Variants in ZNF519 observed in about 807,000 individuals in gnomAD.
ZNF519 encodes zinc finger protein 519, also known as similar to Zinc finger protein 85 (Zinc finger protein HPF4) (HTF1).
ZNF519 carries 7 observed loss-of-function variants against 7.4 expected under a neutral mutation model. The ratio of observed to expected loss-of-function variants is 0.94; its 90% CI spans 0.54 to 1.77. The LOEUF (loss-of-function observed/expected upper bound fraction) is 1.77. Among genes scored for constraint, ZNF519 ranks in the 40% most tolerant of loss-of-function variants. The pLI, the probability that ZNF519 is intolerant of heterozygous loss-of-function variation, is 0.00. For synonymous variants in ZNF519, 179 were observed against 203.3 expected (o/e 0.88, Z 1.02); for missense variants, 586 against 623.1 (o/e 0.94, Z 0.63).
intron 2 of ZNF519, among the ~76,000 whole-genome samples, chr18:14,112,442 T>C (rs981287406): frequency 2.6e-5 from 4 of 152,148 alleles, no homozygotes; most frequent in Non-Finnish European, 5.9e-5. Flanking sequence ...TTTCAACATA[T>C]GGCAGCTAGA....
exon 5 of ZNF519, chr18:14,076,116 G>A (rs939267689): frequency 6.6e-6 from 1 of 152,044 alleles, no homozygotes; most frequent in African/African-American, 2.4e-5. Flanking sequence ...GGCAGAGTCC[G>A]GAGCTGACAA....
chr18:14,125,097 A>G (rs1377836161), intron 1 of ZNF519, among the ~76,000 whole-genome samples: 1 of 152,190 alleles, frequency 6.6e-6, no homozygotes, highest in Non-Finnish European at 1.5e-5. Flanking sequence ...TCCTCCTCGT[A>G]GACTCATTAT....
At chr18:14,132,135 C>T in intron 1 of ZNF519, 140 bp downstream of exon 1, 1 of 947,046 alleles carries the variant, frequency 1.1e-6, no homozygotes, top group Non-Finnish European at 1.7e-6. Flanking sequence ...CAGGACAGGA[C>T]GCCCGGAGTC....
chr18:14,123,031 C>T (rs920331303), intron 2 of ZNF519: 1 of 154,876 alleles, frequency 6.5e-6, no homozygotes, highest in African/African-American at 2.5e-5. Flanking sequence ...CATGTGGTGC[C>T]TAAACTACAT....
rs1203462841 is a variant in ZNF519 at position 14,106,034 on chromosome 18, C to T, written c.506G>A (p.Ser169Asn). ...TAGAAAATGAGTACTATGATGTTTA[C>T]TAATATTTGAGTCATGGTTAAAATT... ...QINFNHDSNI[S>N]KHHSTHFLEN... Residue 169 changes from serine (S) to asparagine (N), a missense_variant, in exon 3 of 3, where the codon AGT becomes AAT. Transcript: ENST00000590202. 2 of 1,583,032 alleles carry T rather than the reference C, an allele frequency of 1.3e-6. No homozygotes were observed. Among genetic ancestry groups the T allele is most frequent in the African/African-American group, 2.7e-5 (2 of 73,432 alleles).
chr18:14,098,452 G>T (rs778279522), downstream of ZNF519, among the ~76,000 whole-genome samples: 5 of 151,812 alleles, frequency 3.3e-5, no homozygotes, highest in Non-Finnish European at 5.9e-5. Flanking sequence ...GAGCCACCAC[G>T]CCTGGCCAAC....
chr18:14,106,298 A>T lies in ZNF519; in HGVS notation c.242T>A (p.Leu81Ter). The T allele has an allele frequency of 6.2e-7, 1 of 1,613,088 alleles. No individual in the cohort carries two copies. Among genetic ancestry groups the T allele is most frequent in the Non-Finnish European group, 8.5e-7 (1 of 1,179,844 alleles). ...YGSCGLENIC[L>*]WKNWESIGEG... ...ACCTATACTTTCCCAGTTTTTCCAT[A>T]AGCATATATTTTCAAGGCCACAGCT... Residue 81 changes from leucine to a stop codon, truncating the protein, a stop_gained, in exon 3 of 3, where the codon TTA becomes TAA. Transcript: ENST00000590202. LOFTEE classifies it low-confidence loss of function (END_TRUNC).
intron 2 of ZNF519, among the ~76,000 whole-genome samples, chr18:14,088,569 C>T (rs750405617): frequency 1.3e-5 from 2 of 152,146 alleles, no homozygotes; most frequent in Non-Finnish European, 2.9e-5. Context: ...CCTTAAATTT[C>T]ATTCTAGTTA....
chr18:14,097,658 T>A (rs1394885310), downstream of ZNF519, among the ~76,000 whole-genome samples: 1 of 152,184 alleles, frequency 6.6e-6, no homozygotes, highest in Non-Finnish European at 1.5e-5. Flanking sequence ...CAGATTCCAG[T>A]TCCCCTGAAT....
At chr18:14,085,255 T>C (rs558277092) in intron 2 of ZNF519, among the ~76,000 whole-genome samples, 3 of 152,080 alleles carry the variant, frequency 2.0e-5, no homozygotes, top group Non-Finnish European at 4.4e-5. Flanking sequence ...TGGTTAAATA[T>C]CCTTATTCTG....
chr18:14,110,269 T>C (rs1328698584), intron 2 of ZNF519, among the ~76,000 whole-genome samples: 2 of 152,164 alleles, frequency 1.3e-5, no homozygotes, highest in Non-Finnish European at 2.9e-5. Flanking sequence ...AAAAAAACTC[T>C]TCTGGACATT....
At chr18:14,120,718 CAA>C (rs967772780) in intron 2 of ZNF519, among the ~76,000 whole-genome samples, 19 of 151,860 alleles carry the variant, frequency 1.3e-4, no homozygotes, top group African/African-American at 4.6e-4. Flanking sequence ...CAAAAATAGA[CAA>C]AAGATTATTT....
chr18:14,111,787 A>G (rs2046222301), intron 2 of ZNF519, among the ~76,000 whole-genome samples: 1 of 152,116 alleles, frequency 6.6e-6, no homozygotes. Flanking sequence ...CCATAATAAA[A>G]AACCTCCTAT....
chr18:14,103,902 A>T lies in ZNF519; in HGVS notation c.*1015T>A, dbSNP rs890798012. 1 of 152,142 alleles carries T rather than the reference A, an allele frequency of 6.6e-6. No individual in the cohort carries two copies. The highest frequency in any genetic ancestry group is 2.4e-5 in the African/African-American group (1 of 41,416). The allele number at this position is 152,142 out of a possible 1,614,324, so 9.4% of individuals were successfully genotyped here. A position where few individuals can be genotyped will look rare whatever the true frequency, so the allele number is the denominator to read the frequency against. ...GACATTTCATTTTATTCTTAAAAAAAAATTAAGTTTACAGACTGAATAAAG... is the reference window on the plus strand; with the variant it reads ...GACATTTCATTTTATTCTTAAAAAATAATTAAGTTTACAGACTGAATAAAG... On this transcript the variant is annotated 3_prime_UTR_variant, in exon 3 of 3. Coordinates refer to ENST00000590202, the MANE Select transcript of ZNF519 (RefSeq NM_145287.4).
At position 14,106,092 on chromosome 18, in the gene ZNF519, A is replaced by C; in HGVS notation, c.448T>G (p.Leu150Val). The C allele has an allele frequency of 6.2e-7, 1 of 1,606,070 alleles. No homozygotes were observed. Among genetic ancestry groups the C allele is most frequent in the South Asian group, 1.1e-5 (1 of 89,058 alleles). The change falls in exon 3 of 3, where the codon TTG becomes GTG. Residue 150 changes from leucine to valine, a missense_variant. Physicochemically the swap from Leu to Val is conservative, Grantham distance 32. Coordinates refer to ENST00000590202, the MANE Select transcript of ZNF519 (RefSeq NM_145287.4). ...TTTTTATTACAAAAGACAGATTTCA[A>C]AAATTTATGTTGATATTTATTCATA... Reference protein sequence around the residue: ...IPMNKYQHKFLKSVFCNKNQI... With the variant: ...IPMNKYQHKFVKSVFCNKNQI...
At chr18:14,082,098 CT>C (rs1391049389) in intron 3 of ZNF519, 1 of 152,022 alleles carries the variant, frequency 6.6e-6, no homozygotes, top group African/African-American at 2.4e-5. Flanking sequence ...CATGTTTTCA[CT>C]GCTTAAGAAA....
At chr18:14,073,283 T>TA (rs1463109280), downstream of ZNF519, 1 of 129,436 alleles carries the variant, frequency 7.7e-6, no homozygotes. Flanking sequence ...TTTATTTATT[T>TA]ATTTTGAGAT....
chr18:14,088,172 G>C (rs1249313359), intron 2 of ZNF519, among the ~76,000 whole-genome samples: 1 of 152,188 alleles, frequency 6.6e-6, no homozygotes, highest in African/African-American at 2.4e-5. Context: ...GGAAAGTACA[G>C]CTTAGGATGC....
In ZNF519 at chr18:14,106,359, C is replaced by T. The variant is rs1242224265; in HGVS notation, c.181G>A (p.Asp61Asn). 1.2e-6 allele frequency: 2 copies of T among 1,611,852 alleles called. No individual in the cohort carries two copies. The highest frequency in any genetic ancestry group is 1.7e-6 in the Non-Finnish European group (2 of 1,179,364). ...CCCAGTGTTGCTTTTTTGAATGAAT[C>T]TTGTATGCCTTGCTCTGGTAAAATG... ...QGILPEQGIQ[D>N]SFKKATLGRY... is the part of the protein sequence containing the mutation. The change falls in exon 3 of 3, where the codon GAT becomes AAT. Residue 61 changes from aspartate to asparagine, a missense_variant. Transcript: ENST00000590202.
Sources: gnomAD v4.1 joint callset for allele counts (sites outside exome capture counted in the v4.1 genomes callset) on GRCh38, gnomAD v4.1.1 for gene constraint, MANE v1.5 for transcripts, NCBI Gene and HGNC (gene_info 2026-07-23, HGNC 2026-07-21) for gene names.